Variants in RGS6 observed in about 807,000 individuals in gnomAD.
RGS6 encodes regulator of G-protein signaling 6.
A neutral mutation model predicts 78.5 loss-of-function variants in RGS6; 30 were observed. The observed-to-expected ratio is 0.38, with a 90% CI of 0.29 to 0.52. The LOEUF (loss-of-function observed/expected upper bound fraction) is 0.52, where lower values mean the gene tolerates loss of function less well. Ranked by LOEUF, RGS6 falls within the 20% of genes least tolerant of loss-of-function variation. RGS6 has a pLI of 0.85. For synonymous variants in RGS6, 206 were observed against 206.0 expected (o/e 1.00, Z 0.00); for missense variants, 495 against 609.7 (o/e 0.81, Z 1.98).
intron 2 of RGS6, among the ~76,000 whole-genome samples, chr14:72,061,586 T>C (rs2093898119): frequency 6.6e-6 from 1 of 152,170 alleles, no homozygotes; most frequent in South Asian, 2.1e-4. Context: ...TTTTTTTTCC[T>C]TGACACTTTC....
chr14:72,542,745 C>T (rs1398733259), intron 17 of RGS6, among the ~76,000 whole-genome samples: 1 of 151,982 alleles, frequency 6.6e-6, no homozygotes, highest in Non-Finnish European at 1.5e-5. Context: ...CAGAATTTCT[C>T]CCCAGAACAT....
At chr14:72,344,579 C>G (rs2077635664) in intron 2 of RGS6, among the ~76,000 whole-genome samples, 1 of 152,152 alleles carries the variant, frequency 6.6e-6, no homozygotes, top group South Asian at 2.1e-4. Flanking sequence ...AGATAAAGTT[C>G]TTTAAGAATA....
intron 3 of RGS6, among the ~76,000 whole-genome samples, chr14:72,355,220 T>A (rs998820670): frequency 2.0e-5 from 3 of 150,994 alleles, no homozygotes; most frequent in African/African-American, 7.3e-5. Context: ...TTAGACAGAG[T>A]CTTGCTCTTG....
chr14:72,153,315 T>C (rs768391056), intron 2 of RGS6, among the ~76,000 whole-genome samples: 2 of 151,616 alleles, frequency 1.3e-5, no homozygotes, highest in African/African-American at 4.9e-5. Flanking sequence ...GACCACAGAG[T>C]TTAAAGCAGA....
chr14:72,484,865 G>A (rs949316062), intron 12 of RGS6, among the ~76,000 whole-genome samples: 6 of 151,282 alleles, frequency 4.0e-5, no homozygotes, highest in Admixed American at 3.3e-4. Flanking sequence ...TAATGGCATA[G>A]TAGGCTCTGA....
chr14:72,536,020 G>A (rs1287032857), intron 15 of RGS6, among the ~76,000 whole-genome samples, 166 bp from the exon 16 acceptor site: 1 of 152,226 alleles, frequency 6.6e-6, no homozygotes, highest in Non-Finnish European at 1.5e-5. Flanking sequence ...GTGCTGCTGA[G>A]TTTGGGGGTG....
At chr14:72,225,057 A>T (rs964934051) in intron 2 of RGS6, among the ~76,000 whole-genome samples, 1 of 152,318 alleles carries the variant, frequency 6.6e-6, no homozygotes, top group Middle Eastern at 3.4e-3. Flanking sequence ...CCATTCACTC[A>T]TCAAGGCCTG....
chr14:71,927,274 T>G, the RGS6 span, among the ~76,000 whole-genome samples: 1 of 152,254 alleles, frequency 6.6e-6, no homozygotes, highest in Non-Finnish European at 1.5e-5. Context: ...CATGGGACTT[T>G]GTAAATATGC....
At chr14:72,510,308 C>T (rs1240787636) in intron 14 of RGS6, 29 bp downstream of exon 14, 7 of 1,613,562 alleles carry the variant, frequency 4.3e-6, no homozygotes, top group African/African-American at 2.7e-5. Flanking sequence ...GAGCTGTGTG[C>T]GGAATGTGTG....
intron 2 of RGS6, among the ~76,000 whole-genome samples, chr14:72,115,991 G>A (rs1268583722): frequency 2.6e-5 from 4 of 152,130 alleles, no homozygotes; most frequent in African/African-American, 9.7e-5. Context: ...CCCTGTTAAG[G>A]ATCTGCTTCC....
chr14:72,162,234 C>T (rs2096862842), intron 2 of RGS6, among the ~76,000 whole-genome samples: 1 of 151,990 alleles, frequency 6.6e-6, no homozygotes, highest in African/African-American at 2.4e-5. Flanking sequence ...CTCTTTTACT[C>T]ACTGGAGGGA....
chr14:72,525,350 T>A (rs1165544926), intron 15 of RGS6, among the ~76,000 whole-genome samples: 1 of 152,154 alleles, frequency 6.6e-6, no homozygotes, highest in Non-Finnish European at 1.5e-5. Flanking sequence ...TACAAATGCG[T>A]AGGGAGGTTC....
At chr14:72,227,158 G>T (rs1278157581) in intron 2 of RGS6, among the ~76,000 whole-genome samples, 1 of 152,258 alleles carries the variant, frequency 6.6e-6, no homozygotes, top group Non-Finnish European at 1.5e-5. Context: ...AGGAATGTGT[G>T]TGTTCAATCA....
At chr14:72,503,705 T>C (rs1418073036) in intron 13 of RGS6, among the ~76,000 whole-genome samples, 2 of 152,254 alleles carry the variant, frequency 1.3e-5, no homozygotes, top group African/African-American at 2.4e-5. Flanking sequence ...CAATGCTCTG[T>C]CTTTTAGACC....
the RGS6 span, among the ~76,000 whole-genome samples, chr14:71,880,690 G>A: frequency 6.6e-6 from 1 of 152,246 alleles, no homozygotes; most frequent in Non-Finnish European, 1.5e-5. Flanking sequence ...TGATTTCAGA[G>A]GATGTATGGA....
At chr14:72,303,790 GCTA>G (rs1020256052) in intron 2 of RGS6, among the ~76,000 whole-genome samples, 2 of 152,078 alleles carry the variant, frequency 1.3e-5, no homozygotes, top group African/African-American at 2.4e-5. Flanking sequence ...GCATCCATAT[GCTA>G]CTTTCATCTA....
At chr14:72,436,235 A>G (rs1232441207) in intron 3 of RGS6, among the ~76,000 whole-genome samples, 2 of 151,672 alleles carry the variant, frequency 1.3e-5, no homozygotes, top group Non-Finnish European at 2.9e-5. Flanking sequence ...ATACACTTCT[A>G]TCTTGTTTAA....
intron 2 of RGS6, among the ~76,000 whole-genome samples, chr14:72,116,156 T>C (rs943010131): frequency 6.6e-6 from 1 of 152,214 alleles, no homozygotes; most frequent in Non-Finnish European, 1.5e-5. Flanking sequence ...TACACACATA[T>C]GTGATGCAAA....
chr14:72,082,972 A>G (rs1390086561), intron 2 of RGS6, among the ~76,000 whole-genome samples: 1 of 152,224 alleles, frequency 6.6e-6, no homozygotes, highest in Admixed American at 6.5e-5. Flanking sequence ...CCAAGCCATC[A>G]TGTAATCACA....
Sources: allele counts gnomAD v4.1 joint callset (sites outside exome capture counted in the v4.1 genomes callset), GRCh38; gene constraint gnomAD v4.1.1; transcripts MANE v1.5; gene names NCBI Gene and HGNC (gene_info 2026-07-23, HGNC 2026-07-21).